Variants in ADORA2B observed in about 807,000 individuals in gnomAD.
The protein encoded by ADORA2B is adenosine A2b receptor.
Under a neutral mutation model 20.8 loss-of-function variants are expected in ADORA2B, and 18 were observed. That is an observed-to-expected ratio of 0.87 (90% CI 0.60 to 1.29). The LOEUF (loss-of-function observed/expected upper bound fraction) is 1.29, where lower values mean the gene tolerates loss of function less well. Ranked by LOEUF, ADORA2B falls within the 50% of genes most tolerant of loss-of-function variation. ADORA2B has a pLI of 0.00. For missense variants in ADORA2B, 441 were observed against 422.7 expected (o/e 1.04, Z -0.38); for synonymous variants, 179 against 178.3 (o/e 1.00, Z -0.03).
At chr17:15,969,550 T>C (rs1207874888) in intron 1 of ADORA2B, among the ~76,000 whole-genome samples, 3 of 152,236 alleles carry the variant, frequency 2.0e-5, no homozygotes, top group Non-Finnish European at 4.4e-5. Context: ...ACCATTCTCT[T>C]GATCTTTATC....
At chr17:15,936,802 A>T in the ADORA2B span, among the ~76,000 whole-genome samples, 3 of 152,166 alleles carry the variant, frequency 2.0e-5, no homozygotes, top group South Asian at 2.1e-4. Flanking sequence ...CAAAAAAATT[A>T]AAAAATTGTC....
chr17:15,922,914 G>A, the ADORA2B span, among the ~76,000 whole-genome samples: 11 of 152,168 alleles, frequency 7.2e-5, no homozygotes, highest in Admixed American at 6.6e-4. Context: ...GTTTTCATTT[G>A]CATTTTGTTA....
chr17:15,918,541 G>A, the ADORA2B span, among the ~76,000 whole-genome samples: 4 of 152,094 alleles, frequency 2.6e-5, no homozygotes, highest in African/African-American at 9.7e-5. Context: ...GCTTGAGGTC[G>A]GCTCACTGCA....
the ADORA2B span, among the ~76,000 whole-genome samples, chr17:15,904,452 G>C: frequency 6.2e-5 from 9 of 145,472 alleles, no homozygotes; most frequent in African/African-American, 2.1e-4. Context: ...GGAGTGCAGT[G>C]GTGCAGCTCA....
chr17:15,941,293 T>C (rs1051279878), upstream of ADORA2B, among the ~76,000 whole-genome samples: 3 of 152,158 alleles, frequency 2.0e-5, no homozygotes, highest in Non-Finnish European at 4.4e-5. Flanking sequence ...GAAGTAGATA[T>C]TGTTATCCCA....
the ADORA2B span, among the ~76,000 whole-genome samples, chr17:15,909,287 A>G: frequency 6.6e-6 from 1 of 152,108 alleles, no homozygotes; most frequent in African/African-American, 2.4e-5. Flanking sequence ...AAAAACACAC[A>G]CAGAAACAAA....
rs769532717 is a variant in ADORA2B, at chr17:15,975,091, G to A, written c.748G>A (p.Val250Met). The A allele has an allele frequency of 6.2e-7, 1 of 1,614,184 alleles. No individual in the cohort carries two copies. Among genetic ancestry groups the A allele is most frequent in the Non-Finnish European group, 8.5e-7 (1 of 1,180,026 alleles). ...GATTTTTGCCCTGTGCTGGTTACCT[G>A]TGCATGCTGTTAACTGTGTCACTCT... ...VGIFALCWLP[V>M]HAVNCVTLFQ... The change falls in exon 2 of 2, where the codon GTG (valine) becomes ATG (methionine). Residue 250 changes from valine (V) to methionine (M), a missense_variant. Transcript: ENST00000304222.
chr17:15,901,452 G>A, the ADORA2B span, among the ~76,000 whole-genome samples: 2 of 149,724 alleles, frequency 1.3e-5, no homozygotes, highest in Non-Finnish European at 3.0e-5. Context: ...CAACAAGAGC[G>A]AAACTCCATC....
the ADORA2B span, among the ~76,000 whole-genome samples, chr17:15,910,619 GT>G: frequency 6.6e-6 from 1 of 152,144 alleles, no homozygotes; most frequent in African/African-American, 2.4e-5. Flanking sequence ...TAATCTTTTT[GT>G]GAGATTTTTT....
chr17:15,967,449 T>A (rs545619333), intron 1 of ADORA2B, among the ~76,000 whole-genome samples: 51 of 152,302 alleles, frequency 3.3e-4, no homozygotes, highest in Admixed American at 2.6e-4. Context: ...CAGGCTGGTC[T>A]CGAACTCCTA....
At chr17:15,932,951 A>ATTTT in the ADORA2B span, among the ~76,000 whole-genome samples, 34 of 135,972 alleles carry the variant, frequency 2.5e-4, 1 homozygote, top group Middle Eastern at 3.9e-3. Context: ...TAGTCCTTCA[A>ATTTT]TTTTTTTTTT....
the ADORA2B span, among the ~76,000 whole-genome samples, chr17:15,877,036 G>A: frequency 6.6e-6 from 1 of 152,118 alleles, no homozygotes; most frequent in Admixed American, 6.5e-5. Flanking sequence ...ATTTCGCTTA[G>A]CATAATGACC....
At chr17:15,870,918 G>A in the ADORA2B span, among the ~76,000 whole-genome samples, 2 of 152,208 alleles carry the variant, frequency 1.3e-5, no homozygotes, top group Non-Finnish European at 2.9e-5. Flanking sequence ...CCACTCTATT[G>A]AGGCCTTTTC....
At chr17:15,857,059 G>A in the ADORA2B span, among the ~76,000 whole-genome samples, 6 of 152,208 alleles carry the variant, frequency 3.9e-5, no homozygotes, top group South Asian at 2.1e-4. Context: ...GCCCAGGGCC[G>A]CCCTGCTCTG....
chr17:15,905,413 G>A, the ADORA2B span, among the ~76,000 whole-genome samples: 8 of 152,004 alleles, frequency 5.3e-5, no homozygotes, highest in South Asian at 2.1e-4. Flanking sequence ...ACGGAGTCTC[G>A]CTCTGTCACC....
chr17:15,963,534 T>C (rs1055407292), intron 1 of ADORA2B, among the ~76,000 whole-genome samples: 1 of 152,216 alleles, frequency 6.6e-6, no homozygotes, highest in Non-Finnish European at 1.5e-5. Context: ...TGTTATCTTT[T>C]GGTCTGGTTC....
chr17:15,961,779 C>T (rs1025737331), intron 1 of ADORA2B, among the ~76,000 whole-genome samples: 7 of 152,282 alleles, frequency 4.6e-5, no homozygotes, highest in South Asian at 2.1e-4. Flanking sequence ...CAAGAGAGGG[C>T]TGCACTTGCA....
chr17:15,916,527 G>C, the ADORA2B span, among the ~76,000 whole-genome samples: 1 of 151,692 alleles, frequency 6.6e-6, no homozygotes, highest in Non-Finnish European at 1.5e-5. Context: ...AGCAAGGAGG[G>C]GGGGTACATG....
At chr17:15,937,580 CT>C in the ADORA2B span, among the ~76,000 whole-genome samples, 1,401 of 145,512 alleles carry the variant, frequency 9.6e-3, 18 homozygotes, top group Admixed American at 0.035. Context: ...CTTTTCTTTT[CT>C]TTTTTTTTTT....
Sources: allele counts gnomAD v4.1 joint callset (sites outside exome capture counted in the v4.1 genomes callset), GRCh38; gene constraint gnomAD v4.1.1; transcripts MANE v1.5; gene names NCBI Gene and HGNC (gene_info 2026-07-23, HGNC 2026-07-21).